The following DIP2B variants were observed in gnomAD, a reference collection of about 807,000 sequenced individuals.
The protein encoded by DIP2B is DIP2 acetate--CoA ligase B (putative).
A neutral mutation model predicts 198.0 loss-of-function variants in DIP2B; 76 were observed. The ratio of observed to expected loss-of-function variants is 0.38; its 90% CI spans 0.32 to 0.46. The LOEUF (loss-of-function observed/expected upper bound fraction) is 0.46, where lower values mean the gene tolerates loss of function less well. Ranked by LOEUF, DIP2B falls within the 20% of genes least tolerant of loss-of-function variation. The pLI, the probability that DIP2B is intolerant of heterozygous loss-of-function variation, is 0.99. For missense variants in DIP2B, 1,559 were observed against 1,978.4 expected (o/e 0.79, Z 4.02); for synonymous variants, 701 against 739.1 (o/e 0.95, Z 0.84).
intron 1 of DIP2B, among the ~76,000 whole-genome samples, chr12:50,523,624 T>C (rs1433080527): frequency 1.3e-5 from 2 of 152,138 alleles, no homozygotes; most frequent in Non-Finnish European, 2.9e-5. Flanking sequence ...AACGGAATAG[T>C]GAGGTGATAC....
Position 50,714,502 on chromosome 12 carries a change from A to G in DIP2B, c.2757A>G (p.Gln919=), listed in dbSNP as rs996187233. Residue 919 remains glutamine (Q), a synonymous_variant, in exon 23 of 38, where the codon CAA becomes CAG. Transcript: ENST00000301180. ...GAATCCATATATCTCAGACGAAACA[A>G]CTCTTTCTGGAGGGATCACTGCATC... ...LGGIHISQTK[Q]LFLEGSLHPC... is the part of the protein sequence containing the mutation. The G allele has an allele frequency of 6.2e-7, 1 of 1,614,016 alleles. No individual in the cohort carries two copies. The highest frequency in any genetic ancestry group is 1.6e-4 in the Middle Eastern group (1 of 6,062).
chr12:50,689,971 A>T (rs1939193880), intron 12 of DIP2B, among the ~76,000 whole-genome samples: 1 of 152,186 alleles, frequency 6.6e-6, no homozygotes, highest in African/African-American at 2.4e-5. Context: ...CAATCAAAAA[A>T]TTGGGGCTGG....
intron 14 of DIP2B, 64 bp from the exon 15 acceptor site, chr12:50,695,203 T>C (rs544943668): frequency 2.0e-5 from 27 of 1,353,532 alleles, no homozygotes; most frequent in South Asian, 1.7e-4. Context: ...AAATACCAGC[T>C]CAATTTTAAA....
At position 50,716,958 on chromosome 12, in the gene DIP2B, C is replaced by CTTTTTTTTTT. The variant is rs4026694; in HGVS notation, c.2852-1737_2852-1728dup. On this transcript the variant is annotated intron_variant, in intron 23 of 37. Transcript: ENST00000301180. The stretch of plus-strand genomic sequence containing the variant: ...CCTATCCTAGATTTACGAATTGTTG[C>CTTTTTTTTTT]TTTTTTTTTTTTTTTTTTTTTTTGA... Among the ~76,000 whole-genome samples, 84 of 58,932 alleles carry CTTTTTTTTTT rather than the reference C, an allele frequency of 1.4e-3. 9 individuals carry two copies. Among genetic ancestry groups the CTTTTTTTTTT allele is most frequent in the African/African-American group, 2.5e-3 (41 of 16,234 alleles). The allele number at this position is 58,932 out of a possible 152,430, so 38.7% of individuals were successfully genotyped here. A position where few individuals can be genotyped will look rare whatever the true frequency, so the allele number is the denominator to read the frequency against.
At chr12:50,582,836 A>G (rs1349290672) in intron 1 of DIP2B, among the ~76,000 whole-genome samples, 3 of 152,192 alleles carry the variant, frequency 2.0e-5, no homozygotes, top group African/African-American at 7.2e-5. Flanking sequence ...CCCTGATGGT[A>G]TGCACATTTT....
At chr12:50,554,815 T>C (rs978167305) in intron 1 of DIP2B, among the ~76,000 whole-genome samples, 7 of 145,646 alleles carry the variant, frequency 4.8e-5, no homozygotes, top group Admixed American at 4.2e-4. Flanking sequence ...CTCACCAGGC[T>C]GAAATGCAGT....
At chr12:50,586,760 A>G (rs1464194196) in intron 1 of DIP2B, among the ~76,000 whole-genome samples, 1 of 152,188 alleles carries the variant, frequency 6.6e-6, no homozygotes, top group Non-Finnish European at 1.5e-5. Context: ...TTTAGTAGAG[A>G]TGAGGTTTCA....
Position 50,694,524 on chromosome 12 carries a change from C to A in DIP2B, c.1720-743C>A, listed in dbSNP as rs745665295. Reference sequence around the variant, plus strand: ...AAATAAATACATACATACATACATACATACATACATACATACATACATACA... The same window carrying A: ...AAATAAATACATACATACATACATAAATACATACATACATACATACATACA... On this transcript the variant is annotated intron_variant, in intron 14 of 37. Transcript: ENST00000301180. 7.6e-5 allele frequency among the ~76,000 whole-genome samples: 6 copies of A among 79,372 alleles called. No homozygotes were observed. The South Asian group carries it at 8.7e-4, about 11-fold the overall frequency. 52.1% of individuals were successfully genotyped at this position (79,372 alleles called of 152,430 possible). A position where few individuals can be genotyped will look rare whatever the true frequency, so the allele number is the denominator to read the frequency against.
At position 50,739,564 on chromosome 12, in the gene DIP2B, C is replaced by G; in HGVS notation, c.4332C>G (p.Thr1444=). 2 of 1,613,942 alleles carry G rather than the reference C, an allele frequency of 1.2e-6. No homozygotes were observed. The highest frequency in any genetic ancestry group is 1.7e-6 in the Non-Finnish European group (2 of 1,179,838). The change falls in exon 36 of 38, where the codon ACC becomes ACG. Residue 1444 remains threonine (T), a synonymous_variant. Coordinates refer to ENST00000301180, the MANE Select transcript of DIP2B (RefSeq NM_173602.3). ...GATACCTTGGTTTTGTCCGCCGGAC[C>G]GAGCTCACAGCGGCCACTGGAGGTA... is the stretch of plus-strand genomic sequence containing the variant. The part of the protein sequence containing the change: ...RTGYLGFVRR[T]ELTAATGERH...
chr12:50,629,784 T>G (rs900820823), intron 2 of DIP2B, among the ~76,000 whole-genome samples: 8 of 152,102 alleles, frequency 5.3e-5, no homozygotes, highest in African/African-American at 1.9e-4. Flanking sequence ...AACCTGCTCC[T>G]GTGCTTCTAG....
intron 28 of DIP2B, among the ~76,000 whole-genome samples, chr12:50,725,888 C>T (rs1316045416): frequency 6.7e-6 from 1 of 149,792 alleles, no homozygotes; most frequent in Admixed American, 6.7e-5. Context: ...GATTCAAATG[C>T]AGGAATGACA....
intron 1 of DIP2B, among the ~76,000 whole-genome samples, chr12:50,614,007 A>G (rs143221636): frequency 2.6e-5 from 4 of 152,336 alleles, no homozygotes; most frequent in African/African-American, 9.6e-5. Context: ...AGAAAAAAAT[A>G]AAACTCACCT....
At chr12:50,614,049 C>T (rs1937651376) in intron 1 of DIP2B, among the ~76,000 whole-genome samples, 1 of 152,118 alleles carries the variant, frequency 6.6e-6, no homozygotes, top group African/African-American at 2.4e-5. Flanking sequence ...AATACTACCC[C>T]ATATCTCTTT....
chr12:50,664,829 GGTTTTTGTTTTTTTT>G, intron 4 of DIP2B, among the ~76,000 whole-genome samples: 1 of 5,094 alleles, frequency 2.0e-4, no homozygotes, highest in South Asian at 7.8e-3. Context: ...CTCCTTTTTT[GGTTTTTGTTTTTTTT>G]TTTTTTTTTT....
intron 1 of DIP2B, among the ~76,000 whole-genome samples, chr12:50,513,524 G>A (rs562089231): frequency 6.6e-6 from 1 of 152,292 alleles, no homozygotes; most frequent in African/African-American, 2.4e-5. Context: ...TTACTCTTCC[G>A]TTTCATATCC....
In DIP2B at chr12:50,664,699, A is replaced by G. The variant is rs540413733; in HGVS notation, c.427+4380A>G. Among the ~76,000 whole-genome samples the G allele has an allele frequency of 1.2e-3, 180 of 152,234 alleles. 2 individuals carry two copies. The highest frequency in any genetic ancestry group is 4.1e-3 in the African/African-American group (169 of 41,522). ...CACAGATGACCAAATAGACCACATA[A>G]TGACCCTAAAGCACAGTAAGCTATT... is the stretch of plus-strand genomic sequence containing the variant. On this transcript the variant is annotated intron_variant, in intron 4 of 37. Transcript: ENST00000301180.
intron 2 of DIP2B, among the ~76,000 whole-genome samples, chr12:50,631,782 G>A (rs532639026): frequency 6.6e-6 from 1 of 152,186 alleles, no homozygotes; most frequent in Admixed American, 6.5e-5. Context: ...ATACTTTAGC[G>A]AGGGTCTGTC....
intron 1 of DIP2B, among the ~76,000 whole-genome samples, chr12:50,534,509 A>T (rs1958246823): frequency 6.6e-6 from 1 of 150,998 alleles, no homozygotes. Flanking sequence ...AGTAGCTGGG[A>T]TTACAGGCAT....
rs1179069914 is a variant in DIP2B at position 50,745,902 on chromosome 12, T to G, written c.*1063T>G. The stretch of plus-strand genomic sequence containing the variant: ...TCCATATAACTTCTCTTCTGAAAAC[T>G]GAGGAGTGTCCTCTGTTCTTCCAGT... On this transcript the variant is annotated 3_prime_UTR_variant, in exon 38 of 38. Coordinates refer to ENST00000301180, the MANE Select transcript of DIP2B (RefSeq NM_173602.3). 2.0e-5 allele frequency: 3 copies of G among 152,234 alleles called. No individual in the cohort carries two copies. Among genetic ancestry groups the G allele is most frequent in the Non-Finnish European group, 1.5e-5 (1 of 68,038 alleles). The allele number at this position is 152,234 out of a possible 1,614,324, so 9.4% of individuals were successfully genotyped here.
Sources: gnomAD v4.1 joint callset for allele counts (sites outside exome capture counted in the v4.1 genomes callset) on GRCh38, gnomAD v4.1.1 for gene constraint, MANE v1.5 for transcripts, NCBI Gene and HGNC (gene_info 2026-07-23, HGNC 2026-07-21) for gene names.